Variants in EXOC6B observed in about 807,000 individuals in gnomAD.
The protein encoded by EXOC6B is exocyst complex component 6B.
EXOC6B carries 54 observed loss-of-function variants against 113.5 expected under a neutral mutation model. The ratio of observed to expected loss-of-function variants is 0.48; its 90% CI spans 0.38 to 0.60. EXOC6B has a LOEUF of 0.60. EXOC6B is among the 20% of genes least tolerant of loss of function. The pLI, the probability that EXOC6B is intolerant of heterozygous loss-of-function variation, is 0.00. For synonymous variants in EXOC6B, 357 were observed against 339.0 expected (o/e 1.05, Z -0.58); for missense variants, 797 against 977.5 (o/e 0.82, Z 2.46).
intron 18 of EXOC6B, among the ~76,000 whole-genome samples, chr2:72,417,743 G>T (rs1694618493): frequency 6.6e-6 from 1 of 151,968 alleles, no homozygotes; most frequent in African/African-American, 2.4e-5. Flanking sequence ...CATTTTTATG[G>T]TATGATATAT....
chr2:72,539,844 T>C (rs1188999766), intron 8 of EXOC6B, among the ~76,000 whole-genome samples: 1 of 152,124 alleles, frequency 6.6e-6, no homozygotes, highest in Non-Finnish European at 1.5e-5. Context: ...ATGCGCACAA[T>C]GTGCAGGTTA....
intron 20 of EXOC6B, among the ~76,000 whole-genome samples, chr2:72,321,760 A>G (rs555743844): frequency 4.4e-4 from 67 of 152,338 alleles, no homozygotes; most frequent in Middle Eastern, 6.8e-3. Context: ...GCAAAGAGGC[A>G]TAAAATAAAT....
At chr2:72,642,704 G>A (rs1673354806) in intron 6 of EXOC6B, among the ~76,000 whole-genome samples, 1 of 150,434 alleles carries the variant, frequency 6.6e-6, no homozygotes, top group South Asian at 2.1e-4. Flanking sequence ...ATAGGCATGG[G>A]CAAGGACTTC....
chr2:72,633,881 A>C (rs985810009), intron 6 of EXOC6B, among the ~76,000 whole-genome samples: 2 of 152,246 alleles, frequency 1.3e-5, no homozygotes, highest in African/African-American at 2.4e-5. Context: ...AATATGTACT[A>C]TGAAGTAAAA....
chr2:72,296,998 A>G (rs1686179739), intron 20 of EXOC6B, among the ~76,000 whole-genome samples: 1 of 152,210 alleles, frequency 6.6e-6, no homozygotes, highest in Non-Finnish European at 1.5e-5. Context: ...AAAGTAAGTA[A>G]TATGTGAACA....
At chr2:72,776,975 T>A (rs1683743811) in intron 1 of EXOC6B, among the ~76,000 whole-genome samples, 1 of 152,124 alleles carries the variant, frequency 6.6e-6, no homozygotes, top group Admixed American at 6.5e-5. Context: ...GAGCAGTGGA[T>A]CCTGTCTGTA....
intron 2 of EXOC6B, among the ~76,000 whole-genome samples, chr2:72,735,139 A>G (rs1680866533): frequency 6.6e-6 from 1 of 152,180 alleles, no homozygotes; most frequent in Admixed American, 6.5e-5. Context: ...AATAAATTAG[A>G]TATTTTTTAT....
intron 6 of EXOC6B, among the ~76,000 whole-genome samples, chr2:72,626,370 T>A (rs1672050258): frequency 6.6e-6 from 1 of 152,120 alleles, no homozygotes; most frequent in Non-Finnish European, 1.5e-5. Context: ...AAATCTAAAT[T>A]AAGAAATATT....
At chr2:72,764,535 AT>A (rs956546552) in intron 1 of EXOC6B, among the ~76,000 whole-genome samples, 2 of 151,472 alleles carry the variant, frequency 1.3e-5, no homozygotes, top group East Asian at 1.9e-4. Flanking sequence ...CATCCAGCTA[AT>A]TTTTTTATTT....
chr2:72,738,143 C>T (rs1288839718), intron 2 of EXOC6B, among the ~76,000 whole-genome samples: 4 of 152,134 alleles, frequency 2.6e-5, no homozygotes, highest in Admixed American at 2.6e-4. Context: ...GGGAAGCATG[C>T]CCTAGAGGAC....
chr2:72,560,854 A>G (rs180911942), intron 7 of EXOC6B, among the ~76,000 whole-genome samples: 1 of 152,150 alleles, frequency 6.6e-6, no homozygotes, highest in Admixed American at 6.6e-5. Context: ...AAAAAAAAAA[A>G]AAGTTTAAGA....
chr2:72,209,918 G>T (rs968406659), intron 20 of EXOC6B, among the ~76,000 whole-genome samples: 1 of 152,074 alleles, frequency 6.6e-6, no homozygotes, highest in Non-Finnish European at 1.5e-5. Context: ...ATTTAAATTT[G>T]GTCCTCAGTG....
rs183674704 is a variant in EXOC6B at position 72,343,021 on chromosome 2, A to G, written c.2123-8001T>C. On this transcript the variant is annotated intron_variant, in intron 19 of 21. Coordinates refer to ENST00000272427, the MANE Select transcript of EXOC6B (RefSeq NM_015189.3). ...TGGAGAAAGAAAATGGTGTATATAT[A>G]CAATGGAATACTATTAAGCCTAGTG... Among the ~76,000 whole-genome samples the G allele has an allele frequency of 5.9e-5, 9 of 152,346 alleles. No individual in the cohort carries two copies. In the East Asian group the frequency reaches 1.5e-3, roughly 26 times the overall value.
intron 1 of EXOC6B, among the ~76,000 whole-genome samples, chr2:72,780,273 T>C (rs773215387): frequency 2.0e-5 from 3 of 152,118 alleles, no homozygotes; most frequent in African/African-American, 7.2e-5. Context: ...TACAATACAA[T>C]GAATTTTCTA....
At chr2:72,422,344 C>T (rs1296262982) in intron 18 of EXOC6B, among the ~76,000 whole-genome samples, 2 of 152,312 alleles carry the variant, frequency 1.3e-5, no homozygotes, top group Middle Eastern at 3.4e-3. Context: ...GGATTGTAAA[C>T]ACCCCAATCA....
At chr2:72,662,324 A>G (rs927795757) in intron 6 of EXOC6B, among the ~76,000 whole-genome samples, 11 of 152,322 alleles carry the variant, frequency 7.2e-5, no homozygotes, top group African/African-American at 2.6e-4. Context: ...CTAAAAACTG[A>G]TAAATTGAAC....
intron 19 of EXOC6B, among the ~76,000 whole-genome samples, chr2:72,358,320 T>C (rs1340547858): frequency 2.6e-5 from 4 of 152,108 alleles, no homozygotes; most frequent in African/African-American, 9.7e-5. Flanking sequence ...AATTCAGATA[T>C]CACCTAGTCC....
At chr2:72,738,519 T>A (rs1681106231) in intron 2 of EXOC6B, among the ~76,000 whole-genome samples, 1 of 152,232 alleles carries the variant, frequency 6.6e-6, no homozygotes, top group South Asian at 2.1e-4. Context: ...ACTTCAAAAC[T>A]GAGTTTTCTG....
At chr2:72,622,946 C>T (rs72916238) in intron 6 of EXOC6B, among the ~76,000 whole-genome samples, 3,918 of 152,000 alleles carry the variant, frequency 0.026, 169 homozygotes, top group African/African-American at 0.088. Flanking sequence ...CTACTACAGC[C>T]GAACATATGC....
Sources: allele counts gnomAD v4.1 joint callset (sites outside exome capture counted in the v4.1 genomes callset), GRCh38; gene constraint gnomAD v4.1.1; transcripts MANE v1.5; gene names NCBI Gene and HGNC (gene_info 2026-07-23, HGNC 2026-07-21).